Variants in PGLS observed in about 807,000 individuals in gnomAD.
PGLS encodes epididymis secretory protein Li 304.
Under a neutral mutation model 23.2 loss-of-function variants are expected in PGLS, and 21 were observed. The observed-to-expected ratio is 0.91, with a 90% CI of 0.64 to 1.31. PGLS has a LOEUF of 1.31. Among genes scored for constraint, PGLS ranks in the 50% most tolerant of loss-of-function variants. The probability of loss-of-function intolerance (pLI) is 0.00; values close to 1 mark genes in which losing one functional copy is unlikely to be tolerated. For synonymous variants in PGLS, 179 were observed against 165.4 expected, an observed-to-expected ratio of 1.08 and a Z score of -0.63; for missense variants, 410 against 354.0, an observed-to-expected ratio of 1.16 and a Z score of -1.27.
intron 4 of PGLS, among the ~76,000 whole-genome samples, chr19:17,520,232 G>A (rs1206460586): frequency 6.6e-6 from 1 of 152,072 alleles, no homozygotes; most frequent in Admixed American, 6.6e-5. Context: ...CTAATATGGT[G>A]AAACCCCGTC....
intron 1 of PGLS, among the ~76,000 whole-genome samples, chr19:17,514,709 A>T (rs1004500445): frequency 2.6e-4 from 39 of 151,830 alleles, no homozygotes; most frequent in African/African-American, 8.2e-4. Flanking sequence ...CTGGAGTGCA[A>T]TGGCGCGATC....
Position 17,511,945 on chromosome 19 carries a change from G to T in PGLS, c.273G>T (p.Thr91=). The part of the protein sequence containing the change: ...RLVPFDHAES[T]YGLYRTHLLS... ...TGCCCTTCGATCACGCCGAGAGCAC[G>T]TACGGCCTCTACCGGGTGAGAGCTA... The change falls in exon 1 of 5, where the codon ACG becomes ACT. Residue 91 remains threonine, a synonymous_variant. Transcript: ENST00000252603. 1.3e-6 allele frequency: 2 copies of T among 1,549,966 alleles called. No homozygotes were observed. The highest frequency in any genetic ancestry group is 1.7e-6 in the Non-Finnish European group (2 of 1,149,594).
In PGLS at chr19:17,516,431, C is replaced by A. The variant is rs776291363; in HGVS notation, c.396+151C>A. 14 of 1,425,930 alleles carry A rather than the reference C, an allele frequency of 9.8e-6. No homozygotes were observed. In the South Asian group the frequency reaches 2.0e-4, roughly 20 times the overall value. The allele number at this position is 1,425,930 out of a possible 1,614,324, so 88.3% of individuals were successfully genotyped here. Reference sequence around the variant, plus strand: ...GGAATCCCCTCTTCGAGGCCACAGCCCTGCCCTGGGGAGCCTGAAGGCCAC... The same window carrying A: ...GGAATCCCCTCTTCGAGGCCACAGCACTGCCCTGGGGAGCCTGAAGGCCAC... On this transcript the variant is annotated intron_variant, in intron 2 of 4. Transcript: ENST00000252603.
Position 17,511,722 on chromosome 19 carries a change from A to G in PGLS, c.50A>G (p.Glu17Gly). Reference protein sequence around the residue: ...GLISVFSSSQELGAALAQLVA... With the variant: ...GLISVFSSSQGLGAALAQLVA... Reference sequence around the variant, plus strand: ...ATCTCGGTGTTCTCGAGTTCCCAGGAGCTGGGTGCGGCGCTAGCGCAGCTG... The same window carrying G: ...ATCTCGGTGTTCTCGAGTTCCCAGGGGCTGGGTGCGGCGCTAGCGCAGCTG... The change falls in exon 1 of 5, where the codon GAG (glutamate) becomes GGG (glycine). Residue 17 changes from glutamate to glycine, a missense_variant. By Grantham distance (98) the Glu-to-Gly change is moderately conservative. Coordinates refer to ENST00000252603, the MANE Select transcript of PGLS (RefSeq NM_012088.3). The G allele has an allele frequency of 3.3e-6, 5 of 1,509,366 alleles. No homozygotes were observed. The highest frequency in any genetic ancestry group is 4.4e-6 in the Non-Finnish European group (5 of 1,135,750). 93.5% of individuals were successfully genotyped at this position (1,509,366 alleles called of 1,614,324 possible).
intron 2 of PGLS, among the ~76,000 whole-genome samples, chr19:17,516,800 G>A (rs572811837): frequency 6.6e-6 from 1 of 151,482 alleles, no homozygotes; most frequent in East Asian, 2.0e-4. Context: ...TGTTAGCCAG[G>A]ATGGTCTCGA....
intron 1 of PGLS, chr19:17,513,143 C>T (rs1042627460): frequency 7.9e-5 from 12 of 152,286 alleles, no homozygotes; most frequent in African/African-American, 2.9e-4. Context: ...GTAATCCCAG[C>T]ACTTTGGGAG....
At chr19:17,520,188 G>A (rs573289629) in intron 4 of PGLS, among the ~76,000 whole-genome samples, 1 of 152,134 alleles carries the variant, frequency 6.6e-6, no homozygotes, top group African/African-American at 2.4e-5. Context: ...GGCGGGGCAT[G>A]GTGGCTCAAC....
intron 1 of PGLS, chr19:17,512,258 G>A (rs1325911627): frequency 9.2e-6 from 4 of 437,088 alleles, no homozygotes; most frequent in African/African-American, 2.1e-5. Flanking sequence ...TCGACTACGG[G>A]GGCCGCTGGG....
Position 17,511,802 on chromosome 19 carries a change from G to C in PGLS, c.130G>C (p.Gly44Arg). Residue 44 changes from glycine (G) to arginine (R), a missense_variant, in exon 1 of 5, where the codon GGC becomes CGC. By Grantham distance (125) the Gly-to-Arg change is moderately radical. Coordinates refer to ENST00000252603, the MANE Select transcript of PGLS (RefSeq NM_012088.3). ...LAGARARFAL[G>R]LSGGSLVSML... ...AGGGGCCCGCGCCCGTTTCGCGCTC[G>C]GCCTGTCGGGCGGGAGCCTCGTCTC... The C allele has an allele frequency of 6.6e-6, 10 of 1,504,988 alleles. No individual in the cohort carries two copies. The highest frequency in any genetic ancestry group is 8.8e-6 in the Non-Finnish European group (10 of 1,132,436). 93.2% of individuals were successfully genotyped at this position (1,504,988 alleles called of 1,614,324 possible). A position where few individuals can be genotyped will look rare whatever the true frequency, so the allele number is the denominator to read the frequency against.
chr19:17,517,279 C>T lies in PGLS; in HGVS notation c.397-9C>T. 1 of 1,603,678 alleles carries T rather than the reference C, an allele frequency of 6.2e-7. No individual in the cohort carries two copies. Among genetic ancestry groups the T allele is most frequent in the Non-Finnish European group, 8.5e-7 (1 of 1,170,772 alleles). On this transcript the variant is annotated splice_polypyrimidine_tract_variant and intron_variant, in intron 2 of 4. Transcript: ENST00000252603. ...CAACCTCTCAAGGCTGTCTTCTCCC[C>T]ACGCCCAGGCATTCCAAGGGGACTC...
intron 4 of PGLS, among the ~76,000 whole-genome samples, chr19:17,520,116 G>A (rs2075550229): frequency 6.6e-6 from 1 of 152,036 alleles, no homozygotes; most frequent in African/African-American, 2.4e-5. Context: ...TGCCGTCACT[G>A]TACTCCAGCC....
intron 3 of PGLS, 151 bp from the exon 4 acceptor site, chr19:17,517,559 C>T: frequency 1.0e-6 from 1 of 973,624 alleles, no homozygotes; most frequent in Non-Finnish European, 1.5e-6. Context: ...CTCAGTTGAG[C>T]CCCTTAAAAC....
chr19:17,514,473 CTTTCT>C (rs934991205), intron 1 of PGLS, among the ~76,000 whole-genome samples: 1 of 151,336 alleles, frequency 6.6e-6, no homozygotes, highest in Non-Finnish European at 1.5e-5. Context: ...CCTTCCTATA[CTTTCT>C]TTTCTTTTCC....
At chr19:17,512,405 T>G in intron 1 of PGLS, 2 of 170,838 alleles carry the variant, frequency 1.2e-5, no homozygotes, top group East Asian at 1.9e-4. Flanking sequence ...CTTCATCCGG[T>G]GGCCAGGCAG....
Position 17,511,817 on chromosome 19 carries a change from A to C in PGLS, c.145A>C (p.Ser49Arg). The change falls in exon 1 of 5, where the codon AGC becomes CGC. Residue 49 changes from serine to arginine, a missense_variant. Physicochemically the swap from Ser to Arg is moderately radical, Grantham distance 110 (BLOSUM62 -1). Coordinates refer to ENST00000252603, the MANE Select transcript of PGLS (RefSeq NM_012088.3). Reference sequence around the variant, plus strand: ...TTTCGCGCTCGGCCTGTCGGGCGGGAGCCTCGTCTCGATGCTAGCCCGCGA... The same window carrying C: ...TTTCGCGCTCGGCCTGTCGGGCGGGCGCCTCGTCTCGATGCTAGCCCGCGA... ...ARFALGLSGG[S>R]LVSMLARELP... The C allele has an allele frequency of 1.3e-6, 2 of 1,512,126 alleles. No individual in the cohort carries two copies. The highest frequency in any genetic ancestry group is 1.2e-5 in the South Asian group (1 of 82,156). 93.7% of individuals were successfully genotyped at this position (1,512,126 alleles called of 1,614,324 possible).
chr19:17,515,068 C>T (rs987785313), intron 1 of PGLS, among the ~76,000 whole-genome samples: 1 of 152,184 alleles, frequency 6.6e-6, no homozygotes, highest in Non-Finnish European at 1.5e-5. Context: ...GGATTACAGC[C>T]GTGAGCCACC....
intron 1 of PGLS, among the ~76,000 whole-genome samples, chr19:17,514,457 T>C (rs923617235): frequency 3.3e-5 from 5 of 151,738 alleles, no homozygotes; most frequent in African/African-American, 1.2e-4. Context: ...CCTTCCTTCC[T>C]TCCTCCCTTC....
At position 17,517,777 on chromosome 19, in the gene PGLS, C is replaced by G; in HGVS notation, c.566C>G (p.Thr189Arg). 1 of 1,614,166 alleles carries G rather than the reference C, an allele frequency of 6.2e-7. No individual in the cohort carries two copies. The highest frequency in any genetic ancestry group is 8.5e-7 in the Non-Finnish European group (1 of 1,180,020). ...CCACCGCCACAGCGTGTGACCCTCA[C>G]ACTACCTGTCCTGAATGCAGCACGA... ...PKPPPQRVTL[T>R]LPVLNAARTV... The change falls in exon 4 of 5, where the codon ACA (threonine) becomes AGA (arginine). Residue 189 changes from threonine (T) to arginine (R), a missense_variant. Transcript: ENST00000252603.
At chr19:17,512,183 G>C in intron 1 of PGLS, 1 of 522,974 alleles carries the variant, frequency 1.9e-6, no homozygotes, top group Non-Finnish European at 3.3e-6. Context: ...CGCGCCCACC[G>C]GTTGCCCTCG....
Sources: gnomAD v4.1 joint callset for allele counts (sites outside exome capture counted in the v4.1 genomes callset) on GRCh38, gnomAD v4.1.1 for gene constraint, MANE v1.5 for transcripts, NCBI Gene and HGNC (gene_info 2026-07-23, HGNC 2026-07-21) for gene names.